The following EIF3A variants were observed in gnomAD, a reference collection of about 807,000 sequenced individuals.
EIF3A encodes the protein eukaryotic translation initiation factor 3 subunit A, also known as EIF3, p180 subunit.
Under a neutral mutation model 186.6 loss-of-function variants are expected in EIF3A, and 21 were observed. The observed-to-expected ratio is 0.11, with a 90% confidence interval of 0.08 to 0.16. The LOEUF is 0.16. Ranked by LOEUF, EIF3A falls within the 10% of genes least tolerant of loss-of-function variation. The pLI is 1.00. For synonymous variants in EIF3A, 563 were observed against 584.3 expected (o/e 0.96, Z 0.52); for missense variants, 1,306 against 1,796.3 (o/e 0.73, Z 4.93).
chr10:119,050,620 C>T lies in EIF3A; in HGVS notation c.2374G>A (p.Glu792Lys). The T allele has an allele frequency of 6.2e-7, 1 of 1,614,068 alleles. No individual in the cohort carries two copies. Residue 792 changes from glutamate (E) to lysine (K), a missense_variant, in exon 16 of 22, where the codon GAA becomes AAA. Around this residue, in one of 8 missense-constraint regions of EIF3A, gnomAD observed 410 missense variants for 473.5 expected, o/e 0.87. Coordinates refer to ENST00000369144, the MANE Select transcript of EIF3A (RefSeq NM_003750.4). ...RLAEERHNRL[E>K]ERKRQRKEER... ...TCTTTACGCTGCCTTTTCCGTTCTTCCAATCGATTATGCCTTTCTTCTGCT... is the reference window on the plus strand; with the variant it reads ...TCTTTACGCTGCCTTTTCCGTTCTTTCAATCGATTATGCCTTTCTTCTGCT...
chr10:119,059,219 T>C lies in EIF3A; in HGVS notation c.1622A>G (p.His541Arg), dbSNP rs778146712. 6.2e-6 allele frequency: 10 copies of C among 1,609,602 alleles called. No homozygotes were observed. The highest frequency in any genetic ancestry group is 8.5e-6 in the Non-Finnish European group (10 of 1,175,946). ...AKALEVIKPA[H>R]ILQEKEEQHQ... ...CCCCGGGAAGATGCATACCAGTATA[T>C]GAGCTGGTTTAATGACTTCAAGTGC... The change falls in exon 11 of 22, where the codon CAT (histidine) becomes CGT (arginine). Residue 541 changes from histidine to arginine, a missense_variant. Physicochemically the swap from His to Arg is conservative, Grantham distance 29. Coordinates refer to ENST00000369144, the MANE Select transcript of EIF3A (RefSeq NM_003750.4).
At chr10:119,064,992 G>A (rs1843948410) in intron 7 of EIF3A, among the ~76,000 whole-genome samples, 1 of 152,124 alleles carries the variant, frequency 6.6e-6, no homozygotes, top group Admixed American at 6.6e-5. Context: ...TTACAGACGT[G>A]AGCCACCACA....
chr10:119,048,320 T>A (rs1366967996), intron 17 of EIF3A, among the ~76,000 whole-genome samples: 1 of 151,734 alleles, frequency 6.6e-6, no homozygotes, highest in Non-Finnish European at 1.5e-5. Flanking sequence ...GCAAGAAAAA[T>A]CTGAATTAAG....
chr10:119,060,727 T>C lies in EIF3A; in HGVS notation c.1326+19A>G. ...GAGCACATAACATCACAAAACTTTT[T>C]TTATTTTTTTATTTTTACCTGCTGC... is the stretch of plus-strand genomic sequence containing the variant. On this transcript the variant is annotated intron_variant, in intron 9 of 21. Transcript: ENST00000369144. The C allele has an allele frequency of 1.3e-6, 2 of 1,575,840 alleles. No homozygotes were observed. Among genetic ancestry groups the C allele is most frequent in the Non-Finnish European group, 1.7e-6 (2 of 1,164,014 alleles).
At chr10:119,079,493 T>C (rs1056137684) in intron 1 of EIF3A, among the ~76,000 whole-genome samples, 3 of 151,954 alleles carry the variant, frequency 2.0e-5, no homozygotes, top group Non-Finnish European at 4.4e-5. Flanking sequence ...ATCTACAACA[T>C]GGGTAAAACC....
At chr10:119,076,469 C>CTGACTCCATCTTACT (rs1449912251) in intron 1 of EIF3A, among the ~76,000 whole-genome samples, 1 of 150,596 alleles carries the variant, frequency 6.6e-6, no homozygotes, top group Non-Finnish European at 1.5e-5. Context: ...CCATCTTTCG[C>CTGACTCCATCTTACT]TGACTCCATC....
At chr10:119,059,954 CA>C in intron 9 of EIF3A, 2 of 567,324 alleles carry the variant, frequency 3.5e-6, no homozygotes, top group Non-Finnish European at 6.5e-6. Flanking sequence ...TGTTGTAAAA[CA>C]AAAAAGCCTA....
At chr10:119,050,111 A>C (rs1250682644) in intron 16 of EIF3A, 126 bp from the exon 17 acceptor site, 2 of 914,986 alleles carry the variant, frequency 2.2e-6, no homozygotes, top group Non-Finnish European at 3.3e-6. Flanking sequence ...AATAGTTTGT[A>C]ATCAGCTACA....
intron 17 of EIF3A, among the ~76,000 whole-genome samples, chr10:119,045,962 G>T (rs2119818121): frequency 6.6e-6 from 1 of 152,278 alleles, no homozygotes; most frequent in South Asian, 2.1e-4. Context: ...GAGATGAAGA[G>T]AGTAAAAGAA....
At chr10:119,054,807 C>T (rs1368028948) in intron 14 of EIF3A, among the ~76,000 whole-genome samples, 2 of 152,094 alleles carry the variant, frequency 1.3e-5, no homozygotes, top group Non-Finnish European at 2.9e-5. Context: ...GCCTTCCTCA[C>T]TAAGCTTAAT....
intron 14 of EIF3A, 58 bp from the exon 15 acceptor site, chr10:119,051,379 A>G: frequency 6.8e-7 from 1 of 1,477,622 alleles, no homozygotes; most frequent in East Asian, 2.5e-5. Flanking sequence ...CATTAACCCC[A>G]AATTACTGAG....
rs1289123442 is a variant in EIF3A at position 119,034,634 on chromosome 10, T to C, written c.*1405A>G. 1.3e-5 allele frequency: 2 copies of C among 152,150 alleles called. No homozygotes were observed. Among genetic ancestry groups the C allele is most frequent in the Non-Finnish European group, 2.9e-5 (2 of 68,032 alleles). 9.4% of individuals were successfully genotyped at this position (152,150 alleles called of 1,614,324 possible). A position where few individuals can be genotyped will look rare whatever the true frequency, so the allele number is the denominator to read the frequency against. ...TGGTTAAGTTAAAAAGCATCAATAC[T>C]CCCTCTTCTGGCCCTACAGCTGTAC... On this transcript the variant is annotated 3_prime_UTR_variant, in exon 22 of 22. Transcript: ENST00000369144.
intron 17 of EIF3A, among the ~76,000 whole-genome samples, chr10:119,045,346 C>T (rs538684906): frequency 3.9e-4 from 60 of 152,270 alleles, no homozygotes; most frequent in Admixed American, 2.0e-3. Flanking sequence ...AAAATAAATT[C>T]GTCCCGGGTC....
Position 119,038,276 on chromosome 10 carries a change from C to G in EIF3A, c.3690G>C (p.Glu1230Asp). The G allele has an allele frequency of 6.2e-7, 1 of 1,614,076 alleles. No homozygotes were observed. Among genetic ancestry groups the G allele is most frequent in the South Asian group, 1.1e-5 (1 of 91,078 alleles). Reference sequence around the variant, plus strand: ...AGCGATCCTCTCGATCCACATCTCTCTCTCTGTCCCTTTCTCTCTCAGGGT... The same window carrying G: ...AGCGATCCTCTCGATCCACATCTCTGTCTCTGTCCCTTTCTCTCTCAGGGT... ...DKDPERERDR[E>D]RDVDREDRFR... is the part of the protein sequence containing the mutation. The change falls in exon 20 of 22, where the codon GAG (glutamate) becomes GAC (aspartate). Residue 1230 changes from glutamate to aspartate, a missense_variant. Transcript: ENST00000369144.
At chr10:119,050,089 AAAGAATTTGAAAATAGTT>A in intron 16 of EIF3A, 104 bp from the exon 17 acceptor site, 1 of 1,109,954 alleles carries the variant, frequency 9.0e-7, no homozygotes, top group Non-Finnish European at 1.3e-6. Flanking sequence ...TGTACAAGTA[AAAGAATTTGAAAATAGTT>A]TGTAATCAGC....
intron 14 of EIF3A, among the ~76,000 whole-genome samples, chr10:119,054,727 C>CA (rs36005021): frequency 1.5e-4 from 22 of 141,980 alleles, no homozygotes; most frequent in Middle Eastern, 3.5e-3. Context: ...AACTCCATCT[C>CA]AAAAAAAAAA....
intron 6 of EIF3A, among the ~76,000 whole-genome samples, chr10:119,067,513 C>T (rs1454597317): frequency 6.6e-6 from 1 of 152,080 alleles, no homozygotes; most frequent in Non-Finnish European, 1.5e-5. Context: ...ATAGTCTGAG[C>T]CCAGGAGTTC....
intron 1 of EIF3A, among the ~76,000 whole-genome samples, chr10:119,075,187 CCTGACCT>C (rs918079895): frequency 1.1e-4 from 16 of 151,500 alleles, no homozygotes; most frequent in African/African-American, 3.4e-4. Context: ...GTCTCGAACT[CCTGACCT>C]CATGATCCAC....
intron 7 of EIF3A, among the ~76,000 whole-genome samples, chr10:119,064,710 TTTTG>T (rs573889266): frequency 8.0e-4 from 122 of 152,224 alleles, no homozygotes; most frequent in Middle Eastern, 3.4e-3. Flanking sequence ...GGTACTTCTT[TTTTG>T]TTTGTTTGTT....
Sources: gnomAD v4.1 joint callset for allele counts (sites outside exome capture counted in the v4.1 genomes callset) on GRCh38, gnomAD v4.1.1 for gene constraint, gnomAD v4.1.1 regional missense constraint, MANE v1.5 for transcripts, NCBI Gene and HGNC (gene_info 2026-07-23, HGNC 2026-07-21) for gene names.